The following EDIL3 variants were observed in gnomAD, a reference collection of about 807,000 sequenced individuals.
EDIL3 encodes EGF like and discoidin domains 3.
EDIL3 carries 37 observed loss-of-function variants against 67.4 expected under a neutral mutation model. The ratio of observed to expected loss-of-function variants is 0.55; its 90% CI spans 0.42 to 0.72. EDIL3 has a LOEUF of 0.72. Ranked by LOEUF, EDIL3 falls within the 30% of genes least tolerant of loss-of-function variation. The pLI is 0.00. For missense variants in EDIL3, 527 were observed against 586.3 expected (o/e 0.90, Z 1.04); for synonymous variants, 195 against 196.3 (o/e 0.99, Z 0.05).
Position 84,185,804 on chromosome 5 carries a change from T to G in EDIL3, c.227-5283A>C, listed in dbSNP as rs151321153. Among the ~76,000 whole-genome samples, 348 of 152,280 alleles carry G rather than the reference T, an allele frequency of 2.3e-3. 2 individuals carry two copies. The highest frequency in any genetic ancestry group is 8.0e-3 in the African/African-American group (331 of 41,582). ...GTAAATAACAGACCATTAGAATGTG[T>G]ACTTTTGCATAATGATTACATGTAT... is the stretch of plus-strand genomic sequence containing the variant. On this transcript the variant is annotated intron_variant, in intron 3 of 10. Transcript: ENST00000296591.
intron 5 of EDIL3, among the ~76,000 whole-genome samples, chr5:84,120,480 C>T (rs1006346182): frequency 3.3e-5 from 5 of 151,954 alleles, no homozygotes; most frequent in African/African-American, 1.2e-4. Flanking sequence ...TAATATAACA[C>T]CTGGAGTTTA....
intron 9 of EDIL3, among the ~76,000 whole-genome samples, chr5:83,965,155 T>C (rs971213346): frequency 6.6e-6 from 1 of 152,098 alleles, no homozygotes; most frequent in Non-Finnish European, 1.5e-5. Flanking sequence ...GTGATTACCA[T>C]TGATCATTTA....
At chr5:84,346,673 C>T (rs1214320105) in intron 1 of EDIL3, among the ~76,000 whole-genome samples, 2 of 152,052 alleles carry the variant, frequency 1.3e-5, no homozygotes, top group African/African-American at 4.8e-5. Flanking sequence ...GGAGTTAACT[C>T]AGGGATGACA....
chr5:84,105,077 C>G (rs1747434528), intron 6 of EDIL3, among the ~76,000 whole-genome samples: 1 of 152,030 alleles, frequency 6.6e-6, no homozygotes, highest in Non-Finnish European at 1.5e-5. Context: ...TGCATTTCAA[C>G]TAGAGTGATT....
chr5:84,127,371 T>G (rs778408367), intron 5 of EDIL3, among the ~76,000 whole-genome samples: 1 of 152,150 alleles, frequency 6.6e-6, no homozygotes, highest in Non-Finnish European at 1.5e-5. Context: ...GAACGTGTAT[T>G]ATTGACCAGA....
chr5:84,356,488 T>A (rs1747482740), intron 1 of EDIL3, among the ~76,000 whole-genome samples: 1 of 152,198 alleles, frequency 6.6e-6, no homozygotes, highest in South Asian at 2.1e-4. Flanking sequence ...ACCAGCTGAG[T>A]ATTCTGCATA....
chr5:84,182,270 T>C (rs1014316187), intron 3 of EDIL3, among the ~76,000 whole-genome samples: 1 of 142,020 alleles, frequency 7.0e-6, no homozygotes, highest in East Asian at 2.2e-4. Context: ...CTACAAAAAA[T>C]ACACACACAC....
intron 3 of EDIL3, among the ~76,000 whole-genome samples, 184 bp downstream of exon 3, chr5:84,229,671 C>T (rs533991063): frequency 6.6e-6 from 1 of 152,198 alleles, no homozygotes; most frequent in East Asian, 1.9e-4. Flanking sequence ...ATTCAAAACT[C>T]TTAACCAACA....
At chr5:84,064,555 G>T in intron 8 of EDIL3, 145 bp downstream of exon 8, 1 of 990,204 alleles carries the variant, frequency 1.0e-6, no homozygotes, top group Non-Finnish European at 1.4e-6. Context: ...ACACACACTG[G>T]TTTTCCCTGA....
intron 4 of EDIL3, among the ~76,000 whole-genome samples, chr5:84,170,526 T>C (rs1242978901): frequency 6.6e-6 from 1 of 152,158 alleles, no homozygotes; most frequent in East Asian, 1.9e-4. Context: ...TCTCATTAAA[T>C]ATTTATCAAA....
At chr5:84,264,356 C>T (rs997645926) in intron 1 of EDIL3, among the ~76,000 whole-genome samples, 2 of 152,220 alleles carry the variant, frequency 1.3e-5, no homozygotes, top group East Asian at 1.9e-4. Flanking sequence ...AGGTAACATG[C>T]GCATGCAGTA....
chr5:84,091,854 T>C (rs1747172781), intron 6 of EDIL3, among the ~76,000 whole-genome samples: 1 of 152,224 alleles, frequency 6.6e-6, no homozygotes, highest in Admixed American at 6.5e-5. Flanking sequence ...AGAGGCAATA[T>C]GAGAATCTAA....
chr5:84,208,685 CAAAAAAAAAAAAAAAAAA>C (rs70975546), intron 3 of EDIL3, among the ~76,000 whole-genome samples: 1 of 59,410 alleles, frequency 1.7e-5, no homozygotes, highest in Non-Finnish European at 2.9e-5. Flanking sequence ...GACTCCGTCT[CAAAAAAAAAAAAAAAAAA>C]AAAAAAAAAA....
intron 4 of EDIL3, among the ~76,000 whole-genome samples, chr5:84,159,472 C>T (rs1029622087): frequency 2.0e-5 from 3 of 151,720 alleles, no homozygotes; most frequent in Admixed American, 6.6e-5. Flanking sequence ...CTTACCTGAC[C>T]CCATATATTG....
intron 4 of EDIL3, among the ~76,000 whole-genome samples, chr5:84,178,964 T>A (rs1748969055): frequency 6.6e-6 from 1 of 152,210 alleles, no homozygotes; most frequent in Non-Finnish European, 1.5e-5. Context: ...CTTGTCTGAA[T>A]ATAGTATGAA....
At chr5:84,073,519 G>T (rs1015150699) in intron 6 of EDIL3, among the ~76,000 whole-genome samples, 1 of 152,154 alleles carries the variant, frequency 6.6e-6, no homozygotes, top group African/African-American at 2.4e-5. Flanking sequence ...CAAAATCAAT[G>T]TACAAACATC....
At chr5:83,998,031 C>G (rs1303023958) in intron 9 of EDIL3, among the ~76,000 whole-genome samples, 1 of 151,984 alleles carries the variant, frequency 6.6e-6, no homozygotes, top group Non-Finnish European at 1.5e-5. Flanking sequence ...CTCTGGGATC[C>G]TAAAAAAACT....
intron 3 of EDIL3, among the ~76,000 whole-genome samples, chr5:84,214,200 T>G (rs1426838035): frequency 6.6e-6 from 1 of 152,214 alleles, no homozygotes; most frequent in Non-Finnish European, 1.5e-5. Context: ...AAAAGTAATT[T>G]TCTTCTACTG....
intron 1 of EDIL3, among the ~76,000 whole-genome samples, chr5:84,262,553 T>G: frequency 6.6e-6 from 1 of 151,270 alleles, no homozygotes. Context: ...CTATTTAATA[T>G]TAACATACAT....
Sources: allele counts gnomAD v4.1 joint callset (sites outside exome capture counted in the v4.1 genomes callset), GRCh38; gene constraint gnomAD v4.1.1; transcripts MANE v1.5; gene names NCBI Gene and HGNC (gene_info 2026-07-23, HGNC 2026-07-21).